PLAC9: variants seen among roughly 807,000 people sequenced by gnomAD.
PLAC9 encodes the protein placenta associated 9, also known as placenta-specific protein 9.
A neutral mutation model predicts 11.5 loss-of-function variants in PLAC9; 12 were observed. That is an observed-to-expected ratio of 1.05 (90% CI 0.67 to 1.69). The LOEUF (loss-of-function observed/expected upper bound fraction) is 1.69. PLAC9 is among the 40% of genes most tolerant of loss of function. PLAC9 has a pLI of 0.00. For missense variants in PLAC9, 132 were observed against 130.5 expected (o/e 1.01, Z -0.06); for synonymous variants, 62 against 58.1 (o/e 1.07, Z -0.31).
intron 1 of PLAC9, among the ~76,000 whole-genome samples, chr10:80,138,765 A>G (rs1263659318): frequency 2.0e-5 from 3 of 152,116 alleles, no homozygotes; most frequent in Admixed American, 6.5e-5. Context: ...ACTTCTAGAC[A>G]ACTGCAGATG....
At chr10:80,141,002 G>A (rs1397429292) in intron 1 of PLAC9, among the ~76,000 whole-genome samples, 5 of 152,088 alleles carry the variant, frequency 3.3e-5, no homozygotes, top group South Asian at 4.1e-4. Flanking sequence ...GTTTTCCTAC[G>A]TGTAGATTGG....
At position 80,145,034 on chromosome 10, in the gene PLAC9, T is replaced by G. The variant is rs745472560; in HGVS notation, c.*124T>G. On this transcript the variant is annotated 3_prime_UTR_variant, in exon 4 of 4. Coordinates refer to ENST00000372263, the MANE Select transcript of PLAC9 (RefSeq NM_001012973.3). ...TGAAATAAAAGCTATTCTGGTCTCC[T>G]CTGTGTCTGCTGACAGAGTAACCCG... is the stretch of plus-strand genomic sequence containing the variant. 4.5e-5 allele frequency: 56 copies of G among 1,254,414 alleles called. No homozygotes were observed. The highest frequency in any genetic ancestry group is 6.3e-5 in the Non-Finnish European group (55 of 878,408). 77.7% of individuals were successfully genotyped at this position (1,254,414 alleles called of 1,614,324 possible).
intron 1 of PLAC9, among the ~76,000 whole-genome samples, chr10:80,140,219 T>TA (rs71034288): frequency 0.18 from 26,919 of 148,476 alleles, 2,582 homozygotes; most frequent in Admixed American, 0.27. Context: ...TCCAATGCTT[T>TA]AAAAAAAAAA....
At chr10:80,135,760 T>C (rs2132333213) in intron 1 of PLAC9, among the ~76,000 whole-genome samples, 1 of 152,270 alleles carries the variant, frequency 6.6e-6, no homozygotes, top group Non-Finnish European at 1.5e-5. Context: ...TGAAGAATAG[T>C]TTTCTGCTGC....
In PLAC9 at chr10:80,145,123, C is replaced by T. The variant is rs1845088650; in HGVS notation, c.*213C>T. ...GAGGAAGCCTGCAACCCCCTCCAGG[C>T]TCAGACCTGGGGACACCCCCACTCC... is the stretch of plus-strand genomic sequence containing the variant. On this transcript the variant is annotated 3_prime_UTR_variant, in exon 4 of 4. Coordinates refer to ENST00000372263, the MANE Select transcript of PLAC9 (RefSeq NM_001012973.3). The T allele has an allele frequency of 2.8e-6, 2 of 708,028 alleles. No homozygotes were observed. The highest frequency in any genetic ancestry group is 1.5e-5 in the South Asian group (1 of 65,372). The allele number at this position is 708,028 out of a possible 1,614,324, so 43.9% of individuals were successfully genotyped here.
chr10:80,144,060 G>A, intron 2 of PLAC9, 163 bp from the exon 3 acceptor site: 5 of 880,316 alleles, frequency 5.7e-6, no homozygotes, highest in South Asian at 4.6e-5. Context: ...GGAAACTGAG[G>A]CAGGTAGGGG....
intron 2 of PLAC9, among the ~76,000 whole-genome samples, chr10:80,143,068 C>T (rs1323075735): frequency 6.6e-6 from 1 of 150,746 alleles, no homozygotes; most frequent in Admixed American, 6.6e-5. Context: ...TTGACAGAGT[C>T]TTGCCCTGTC....
intron 1 of PLAC9, among the ~76,000 whole-genome samples, chr10:80,141,748 G>A (rs551709752): frequency 6.6e-5 from 10 of 152,008 alleles, no homozygotes; most frequent in Non-Finnish European, 1.5e-4. Context: ...TCCAGCCACC[G>A]CGGGCTCCCT....
At chr10:80,134,826 TC>T (rs889636528) in intron 1 of PLAC9, among the ~76,000 whole-genome samples, 1 of 130,286 alleles carries the variant, frequency 7.7e-6, no homozygotes, top group African/African-American at 2.6e-5. Flanking sequence ...GTAAGTCTTC[TC>T]TCCCCTTTTT....
chr10:80,138,231 C>G (rs142653632), intron 1 of PLAC9, among the ~76,000 whole-genome samples: 162 of 152,290 alleles, frequency 1.1e-3, no homozygotes, highest in Non-Finnish European at 1.7e-3. Flanking sequence ...CCTGTTTGCT[C>G]TAAACATCCA....
At chr10:80,132,635 C>T (rs1291765839), upstream of PLAC9, 5 of 723,510 alleles carry the variant, frequency 6.9e-6, no homozygotes, top group South Asian at 1.2e-4. Flanking sequence ...TTCTCTCGAG[C>T]CAGAAAGTCC....
intron 1 of PLAC9, among the ~76,000 whole-genome samples, chr10:80,134,721 A>G (rs1844953961): frequency 6.6e-6 from 1 of 152,196 alleles, no homozygotes; most frequent in Non-Finnish European, 1.5e-5. Flanking sequence ...TCCTTGATTG[A>G]TTGTGTCATA....
chr10:80,134,862 A>C (rs1844955906), intron 1 of PLAC9, among the ~76,000 whole-genome samples: 1 of 152,004 alleles, frequency 6.6e-6, no homozygotes, highest in Non-Finnish European at 1.5e-5. Context: ...GTTTTTGTTG[A>C]AGAAACTAAG....
At chr10:80,143,851 C>T (rs1845068998) in intron 2 of PLAC9, among the ~76,000 whole-genome samples, 2 of 152,152 alleles carry the variant, frequency 1.3e-5, no homozygotes. Context: ...CCATTAAGAA[C>T]TCAGTAAATT....
At chr10:80,134,557 C>A (rs559081411) in intron 1 of PLAC9, among the ~76,000 whole-genome samples, 9 of 152,262 alleles carry the variant, frequency 5.9e-5, no homozygotes, top group African/African-American at 2.2e-4. Context: ...AGCCACAATG[C>A]CTGGCCTGGC....
intron 1 of PLAC9, among the ~76,000 whole-genome samples, chr10:80,136,768 C>T (rs569538723): frequency 7.9e-5 from 12 of 152,138 alleles, no homozygotes; most frequent in African/African-American, 2.7e-4. Context: ...TTGCCTCAGC[C>T]TCCTAAAGCT....
chr10:80,143,877 T>C (rs1057496052), intron 2 of PLAC9, among the ~76,000 whole-genome samples: 2 of 152,108 alleles, frequency 1.3e-5, no homozygotes, highest in Admixed American at 6.5e-5. Context: ...ATCCCAAACC[T>C]GTCATTTGGC....
intron 2 of PLAC9, 151 bp from the exon 3 acceptor site, chr10:80,144,072 A>G (rs1420127003): frequency 9.8e-7 from 1 of 1,024,278 alleles, no homozygotes; most frequent in Non-Finnish European, 1.5e-6. Flanking sequence ...AGGTAGGGGC[A>G]GAGCCTGAGT....
At chr10:80,132,726 G>A, upstream of PLAC9, 1 of 1,435,536 alleles carries the variant, frequency 7.0e-7, no homozygotes, top group South Asian at 1.4e-5. Context: ...GGGCGGCTGC[G>A]GGCAGACGCG....
Sources: gnomAD v4.1 joint callset for allele counts (sites outside exome capture counted in the v4.1 genomes callset) on GRCh38, gnomAD v4.1.1 for gene constraint, MANE v1.5 for transcripts, NCBI Gene and HGNC (gene_info 2026-07-23, HGNC 2026-07-21) for gene names.